The following SLC16A1 variants were observed in gnomAD, a reference collection of about 807,000 sequenced individuals.
SLC16A1 encodes the protein monocarboxylate transporter 1.
Under a neutral mutation model 32.2 loss-of-function variants are expected in SLC16A1, and 11 were observed. That is an observed-to-expected ratio of 0.34 (90% CI 0.21 to 0.56). SLC16A1 has a LOEUF of 0.56. Ranked by LOEUF, SLC16A1 falls within the 20% of genes least tolerant of loss-of-function variation. The pLI, the probability that SLC16A1 is intolerant of heterozygous loss-of-function variation, is 0.87. For missense variants in SLC16A1, 435 were observed against 615.0 expected (o/e 0.71, Z 3.10); for synonymous variants, 231 against 226.8 (o/e 1.02, Z -0.17).
Position 112,913,099 on chromosome 1 carries a change from C to G in SLC16A1, c.*792G>C, listed in dbSNP as rs571679096. The G allele has an allele frequency of 6.6e-6, 1 of 152,244 alleles. No individual in the cohort carries two copies. The highest frequency in any genetic ancestry group is 2.4e-5 in the African/African-American group (1 of 41,544). The allele number at this position is 152,244 out of a possible 1,614,324, so 9.4% of individuals were successfully genotyped here. The stretch of plus-strand genomic sequence containing the variant: ...AACTTTTCCAGTAAGAAAAATAATA[C>G]CAGGTGATTTCAAAAAGGGCAGTGA... On this transcript the variant is annotated 3_prime_UTR_variant, in exon 5 of 5. Coordinates refer to ENST00000369626, the MANE Select transcript of SLC16A1 (RefSeq NM_003051.4).
At chr1:112,932,620 G>A (rs1381870614) in intron 1 of SLC16A1, among the ~76,000 whole-genome samples, 1 of 151,802 alleles carries the variant, frequency 6.6e-6, no homozygotes, top group African/African-American at 2.4e-5. Context: ...TGGCCAACAT[G>A]GTGAAACCCC....
chr1:112,945,400 C>A (rs1390156543), intron 1 of SLC16A1, among the ~76,000 whole-genome samples: 1 of 152,040 alleles, frequency 6.6e-6, no homozygotes, highest in Non-Finnish European at 1.5e-5. Context: ...GTTGGCCGGG[C>A]ATGGTGGCTC....
chr1:112,948,722 C>T (rs1281920746), intron 1 of SLC16A1, among the ~76,000 whole-genome samples: 4 of 152,104 alleles, frequency 2.6e-5, no homozygotes, highest in Non-Finnish European at 5.9e-5. Context: ...AGGCTGGTCT[C>T]GAACTCCTGA....
intron 1 of SLC16A1, chr1:112,935,830 T>C (rs766828683): frequency 1.2e-4 from 18 of 152,218 alleles, no homozygotes; most frequent in Non-Finnish European, 2.1e-4. Context: ...TCACCTATTA[T>C]GTCTTCAAAT....
chr1:112,919,179 C>T (rs868298605), intron 3 of SLC16A1, among the ~76,000 whole-genome samples: 14 of 151,960 alleles, frequency 9.2e-5, no homozygotes, highest in African/African-American at 3.1e-4. Context: ...TACAGGCGCC[C>T]GCCACCATGC....
chr1:112,921,072 C>T (rs1648709870), intron 3 of SLC16A1, among the ~76,000 whole-genome samples: 2 of 149,480 alleles, frequency 1.3e-5, no homozygotes, highest in South Asian at 4.2e-4. Context: ...ATCCAGGAGG[C>T]GGAGCTTGCA....
rs1173768144 is a variant in SLC16A1, at chr1:112,913,378, T to C, written c.*513A>G. ...TGCTAGGAAAATATTTTTGTCAGCA[T>C]TTTGTAAAATCTCTAACTTTCAACC... On this transcript the variant is annotated 3_prime_UTR_variant, in exon 5 of 5. Coordinates refer to ENST00000369626, the MANE Select transcript of SLC16A1 (RefSeq NM_003051.4). 6.3e-6 allele frequency: 1 copy of C among 159,056 alleles called. No individual in the cohort carries two copies. The highest frequency in any genetic ancestry group is 1.4e-5 in the Non-Finnish European group (1 of 71,962). 9.9% of individuals were successfully genotyped at this position (159,056 alleles called of 1,614,324 possible).
chr1:112,917,566 A>G lies in SLC16A1; in HGVS notation c.840T>C (p.Pro280=). The G allele has an allele frequency of 3.7e-6, 6 of 1,614,218 alleles. No homozygotes were observed. The highest frequency in any genetic ancestry group is 4.2e-6 in the Non-Finnish European group (5 of 1,180,036). ...TCCCATAACTACTAAGAAACACCAAAGGTGCAAAGAGTCCAAAAAACATGA... is the reference window on the plus strand; with the variant it reads ...TCCCATAACTACTAAGAAACACCAAGGGTGCAAAGAGTCCAAAAAACATGA... ...NVIMFFGLFA[P]LVFLSSYGKS... The change falls in exon 4 of 5, where the codon CCT becomes CCC. Residue 280 remains proline (P), a synonymous_variant. Transcript: ENST00000369626. This position sits in a 1 kb window ranked among gnomAD's most constrained non-coding sequence, Gnocchi z 4.1.
At chr1:112,946,125 T>C (rs1649697148) in intron 1 of SLC16A1, among the ~76,000 whole-genome samples, 1 of 152,196 alleles carries the variant, frequency 6.6e-6, no homozygotes, top group Admixed American at 6.5e-5. Context: ...TTCTGCAAAT[T>C]CTATTTTTTA....
intron 1 of SLC16A1, among the ~76,000 whole-genome samples, chr1:112,933,455 CAAAAAAA>C (rs55668332): frequency 8.4e-5 from 7 of 83,756 alleles, no homozygotes; most frequent in African/African-American, 3.0e-4. Context: ...GACTGCGTCT[CAAAAAAA>C]AAAAAAAAAA....
intron 1 of SLC16A1, among the ~76,000 whole-genome samples, chr1:112,943,405 A>T (rs1649579465): frequency 6.6e-6 from 1 of 152,228 alleles, no homozygotes. Context: ...AAAGATTTGT[A>T]GAAGGGCAAT....
In SLC16A1 at chr1:112,917,050, C is replaced by G. The variant is rs139565437; in HGVS notation, c.1228+128G>C. Reference sequence around the variant, plus strand: ...GCTGTGCCAAGCATTGTCCCAGCATCAAGGGTACATAAATGAGAAAGATTT... The same window carrying G: ...GCTGTGCCAAGCATTGTCCCAGCATGAAGGGTACATAAATGAGAAAGATTT... On this transcript the variant is annotated intron_variant, in intron 4 of 4. Coordinates refer to ENST00000369626, the MANE Select transcript of SLC16A1 (RefSeq NM_003051.4). The surrounding 1 kb of genome is among the most constrained non-coding windows in gnomAD (Gnocchi z 4.1). 5.1e-6 allele frequency: 6 copies of G among 1,183,876 alleles called. No homozygotes were observed. In the East Asian group the frequency reaches 1.3e-4, roughly 25 times the overall value. The allele number at this position is 1,183,876 out of a possible 1,614,324, so 73.3% of individuals were successfully genotyped here.
chr1:112,929,120 G>A lies in SLC16A1; in HGVS notation c.189C>T (p.Ser63=). ...ATTSEVSWIS[S]IMLAVMYGGG... is the part of the protein sequence containing the mutation. The stretch of plus-strand genomic sequence containing the variant: ...CACCATACATGACAGCCAACATTAT[G>A]GAGGATATCCATGACACTTCGCTGG... The change falls in exon 2 of 5, where the codon TCC becomes TCT. Residue 63 remains serine, a synonymous_variant. Coordinates refer to ENST00000369626, the MANE Select transcript of SLC16A1 (RefSeq NM_003051.4). 1 of 1,613,742 alleles carries A rather than the reference G, an allele frequency of 6.2e-7. No homozygotes were observed. Among genetic ancestry groups the A allele is most frequent in the Non-Finnish European group, 8.5e-7 (1 of 1,179,894 alleles).
intron 4 of SLC16A1, among the ~76,000 whole-genome samples, chr1:112,916,496 TAAA>T (rs570173297): frequency 8.2e-5 from 5 of 61,200 alleles, no homozygotes; most frequent in African/African-American, 3.2e-4. Flanking sequence ...AAGACTGTCT[TAAA>T]AAAAAAAAAA....
chr1:112,919,565 A>T (rs557674420), intron 3 of SLC16A1, among the ~76,000 whole-genome samples: 1 of 152,246 alleles, frequency 6.6e-6, no homozygotes. Context: ...AAAATTCGTC[A>T]GTGAAAGTGC....
At chr1:112,916,690 G>T (rs1648523430) in intron 4 of SLC16A1, among the ~76,000 whole-genome samples, 1 of 152,068 alleles carries the variant, frequency 6.6e-6, no homozygotes, top group Non-Finnish European at 1.5e-5. Context: ...AGCACTTTGG[G>T]AGGCTGAGAC....
At chr1:112,918,359 CACTTAAT>C (rs1486899850) in intron 3 of SLC16A1, among the ~76,000 whole-genome samples, 1 of 152,134 alleles carries the variant, frequency 6.6e-6, no homozygotes, top group Admixed American at 6.5e-5. Flanking sequence ...ATGTAGTAAG[CACTTAAT>C]ACATGTTATT....
At chr1:112,933,610 A>C (rs892660229) in intron 1 of SLC16A1, among the ~76,000 whole-genome samples, 2 of 152,224 alleles carry the variant, frequency 1.3e-5, no homozygotes, top group African/African-American at 4.8e-5. Flanking sequence ...AGATCTAAAC[A>C]GGTGCTTCAC....
intron 1 of SLC16A1, among the ~76,000 whole-genome samples, chr1:112,937,806 T>C (rs150491971): frequency 7.9e-4 from 120 of 152,270 alleles, no homozygotes; most frequent in African/African-American, 2.8e-3. Flanking sequence ...CCAAGAGTGA[T>C]GGGGAGACTA....
Sources: gnomAD v4.1 joint callset for allele counts (sites outside exome capture counted in the v4.1 genomes callset) on GRCh38, gnomAD v4.1.1 for gene constraint, Gnocchi (gnomAD v3.1) non-coding constraint, MANE v1.5 for transcripts, NCBI Gene and HGNC (gene_info 2026-07-23, HGNC 2026-07-21) for gene names.